The following TGM1 variants were observed in gnomAD, a reference collection of about 807,000 sequenced individuals.
The protein encoded by TGM1 is transglutaminase 1.
In TGM1, 63 loss-of-function variants were observed where a neutral mutation model predicts 88.7. The observed-to-expected ratio is 0.71, with a 90% confidence interval of 0.58 to 0.88. The LOEUF is 0.88. Among genes scored for constraint, TGM1 ranks in the 40% least tolerant of loss-of-function variants. The pLI is 0.00. For synonymous variants in TGM1, 415 were observed against 431.1 expected, an observed-to-expected ratio of 0.96 and a Z score of 0.46; for missense variants, 996 against 1,118.0, an observed-to-expected ratio of 0.89 and a Z score of 1.56.
At position 24,259,888 on chromosome 14, in the gene TGM1, C is replaced by A; in HGVS notation, c.876+52G>T. ...CCCTGCTCCAATACCCCAGCCCCCACACCCACCCCAGCTCCTCTGGGTGTA... is the reference window on the plus strand; with the variant it reads ...CCCTGCTCCAATACCCCAGCCCCCAAACCCACCCCAGCTCCTCTGGGTGTA... On this transcript the variant is annotated intron_variant, in intron 5 of 14. Coordinates refer to ENST00000206765, the MANE Select transcript of TGM1 (RefSeq NM_000359.3). This position sits in a 1 kb window ranked among gnomAD's most constrained non-coding sequence, Gnocchi z 5.7. The A allele has an allele frequency of 2.5e-6, 4 of 1,609,540 alleles. No individual in the cohort carries two copies. The highest frequency in any genetic ancestry group is 3.4e-6 in the Non-Finnish European group (4 of 1,176,146).
chr14:24,258,173 G>A (rs1279604755), intron 9 of TGM1, 112 bp downstream of exon 9: 9 of 786,644 alleles, frequency 1.1e-5, no homozygotes, highest in South Asian at 1.7e-5. Flanking sequence ...AAGAAGCCGC[G>A]GGGTTACATG....
At chr14:24,262,842 C>T (rs1314238540) in intron 1 of TGM1, among the ~76,000 whole-genome samples, 2 of 152,228 alleles carry the variant, frequency 1.3e-5, no homozygotes, top group East Asian at 1.9e-4. Context: ...CAAGTGACCC[C>T]GGGGCCTGTG....
chr14:24,254,156 C>T lies in TGM1; in HGVS notation c.2221G>A (p.Val741Ile), dbSNP rs141864003. ...AGGGGGAGAGGCCAGACTCACCCAA[C>T]GTTGAGGATCTTGGGCCTCTGTAAC... The part of the protein sequence containing the change: ...SGLQRPKILN[V>I]GDIGGNETVT... The change falls in exon 14 of 15, where the codon GTT becomes ATT. Residue 741 changes from valine (V) to isoleucine (I), a missense_variant. Val to Ile is a conservative substitution (Grantham distance 29, BLOSUM62 3). Coordinates refer to ENST00000206765, the MANE Select transcript of TGM1 (RefSeq NM_000359.3). 425 of 1,610,960 alleles carry T rather than the reference C, an allele frequency of 2.6e-4. 1 individual carries two copies. Among genetic ancestry groups the T allele is most frequent in the Non-Finnish European group, 3.3e-4 (388 of 1,178,696 alleles).
chr14:24,262,219 G>A lies in TGM1; in HGVS notation c.134C>T (p.Ala45Val). ...SRRGGGRSFW[A>V]RCCGCCSCRN... is the part of the protein sequence containing the mutation. ...GCATGAACAGCAGCCACAGCAGCGA[G>A]CCCAGAAGGAACGGCCTCCTCCTCT... The change falls in exon 2 of 15, where the codon GCT becomes GTT. Residue 45 changes from alanine to valine, a missense_variant. By Grantham distance (64) the Ala-to-Val change is moderately conservative. Transcript: ENST00000206765. The A allele has an allele frequency of 6.2e-7, 1 of 1,613,898 alleles. No homozygotes were observed. Among genetic ancestry groups the A allele is most frequent in the Non-Finnish European group, 8.5e-7 (1 of 1,180,028 alleles).
intron 13 of TGM1, among the ~76,000 whole-genome samples, 173 bp downstream of exon 13, chr14:24,254,491 A>G (rs547723662): frequency 1.3e-5 from 2 of 152,354 alleles, no homozygotes; most frequent in East Asian, 1.9e-4. Flanking sequence ...AACCAGAGAC[A>G]TAAGATCCCA....
chr14:24,254,416 G>C, intron 13 of TGM1, 128 bp from the exon 14 acceptor site: 1 of 1,424,352 alleles, frequency 7.0e-7, no homozygotes, highest in Non-Finnish European at 9.7e-7. Context: ...TTATCCTCCT[G>C]AGAGAAGATT....
In TGM1 at chr14:24,255,346, G is replaced by A; in HGVS notation, c.1645+18C>T. 1.9e-6 allele frequency: 3 copies of A among 1,614,228 alleles called. No individual in the cohort carries two copies. The highest frequency in any genetic ancestry group is 2.5e-6 in the Non-Finnish European group (3 of 1,180,040). On this transcript the variant is annotated intron_variant, in intron 11 of 14. Transcript: ENST00000206765. This position sits in a 1 kb window ranked among gnomAD's most constrained non-coding sequence, Gnocchi z 4.0. ...CTTGTTGTGGGGCCCAGAGCTGGCTGGGTTGGGGGAATGGTACCTTCTGGG... is the reference window on the plus strand; with the variant it reads ...CTTGTTGTGGGGCCCAGAGCTGGCTAGGTTGGGGGAATGGTACCTTCTGGG...
At position 24,254,724 on chromosome 14, in the gene TGM1, G is replaced by A. The variant is rs781259607; in HGVS notation, c.2028C>T (p.Ser676=). ...TGTGCTGCTTGGCCAGCACCTGCCC[G>A]CTCTCCTTGACGTGGCCTGAGACAT... The part of the protein sequence containing the change: ...LLNVSGHVKE[S]GQVLAKQHTF... Residue 676 remains serine, a synonymous_variant, in exon 13 of 15, where the codon AGC becomes AGT. Coordinates refer to ENST00000206765, the MANE Select transcript of TGM1 (RefSeq NM_000359.3). The A allele has an allele frequency of 5.6e-6, 9 of 1,613,906 alleles. No homozygotes were observed. In the African/African-American group the frequency reaches 6.7e-5, roughly 12 times the overall value.
At chr14:24,254,317 G>A (rs190466118) in intron 13 of TGM1, 29 bp from the exon 14 acceptor site, 113 of 1,613,692 alleles carry the variant, frequency 7.0e-5, no homozygotes, top group African/African-American at 4.3e-4. Flanking sequence ...CATCCCCCAC[G>A]TCAGAGACCC....
In TGM1 at chr14:24,255,665, T is replaced by C; in HGVS notation, c.1492-148A>G. On this transcript the variant is annotated intron_variant, in intron 10 of 14. Transcript: ENST00000206765. The surrounding 1 kb of genome is among the most constrained non-coding windows in gnomAD (Gnocchi z 4.0). ...TTCCTGGCAGAGCCCAAGGGGAGAC[T>C]TTCCAAGACGAGCCAGACGAGGCCA... is the stretch of plus-strand genomic sequence containing the variant. The C allele has an allele frequency of 9.0e-7, 1 of 1,106,436 alleles. No individual in the cohort carries two copies. Among genetic ancestry groups the C allele is most frequent in the Non-Finnish European group, 1.3e-6 (1 of 764,156 alleles). The allele number at this position is 1,106,436 out of a possible 1,614,324, so 68.5% of individuals were successfully genotyped here. A position where few individuals can be genotyped will look rare whatever the true frequency, so the allele number is the denominator to read the frequency against.
intron 7 of TGM1, 87 bp from the exon 8 acceptor site, chr14:24,258,760 C>T (rs983763191): frequency 1.7e-5 from 26 of 1,567,878 alleles, no homozygotes; most frequent in Non-Finnish European, 2.3e-5. Flanking sequence ...AGAAGGGCAA[C>T]TAGGATTGCC....
At chr14:24,254,525 C>G (rs1220088569) in intron 13 of TGM1, 139 bp downstream of exon 13, 1 of 1,372,080 alleles carries the variant, frequency 7.3e-7, no homozygotes, top group South Asian at 1.3e-5. Flanking sequence ...GAAACTGAGG[C>G]CCCAGAGCCG....
intron 3 of TGM1, among the ~76,000 whole-genome samples, chr14:24,261,061 C>G (rs532424830): frequency 6.6e-6 from 1 of 152,314 alleles, no homozygotes; most frequent in East Asian, 1.9e-4. Flanking sequence ...ATCCTGAAGG[C>G]CAACCCTGCC....
chr14:24,259,614 G>T lies in TGM1; in HGVS notation c.984+90C>A. 8.8e-7 allele frequency: 1 copy of T among 1,130,526 alleles called. No individual in the cohort carries two copies. Among genetic ancestry groups the T allele is most frequent in the East Asian group, 2.5e-5 (1 of 39,432 alleles). The allele number at this position is 1,130,526 out of a possible 1,614,324, so 70.0% of individuals were successfully genotyped here. A position where few individuals can be genotyped will look rare whatever the true frequency, so the allele number is the denominator to read the frequency against. On this transcript the variant is annotated intron_variant, in intron 6 of 14. Transcript: ENST00000206765. This position sits in a 1 kb window ranked among gnomAD's most constrained non-coding sequence, Gnocchi z 5.7. ...GGCAGGGACAGGGCTGGGGGTTCTT[G>T]AGGAATCCAGAAAGGGCAGGAGGAG...
chr14:24,256,490 G>A (rs1306354074), intron 9 of TGM1, among the ~76,000 whole-genome samples: 2 of 152,184 alleles, frequency 1.3e-5, no homozygotes, highest in Admixed American at 6.5e-5. Context: ...AACCAACCCA[G>A]AGTCCACAGT....
intron 9 of TGM1, among the ~76,000 whole-genome samples, chr14:24,256,526 G>A (rs935478274): frequency 2.6e-5 from 4 of 152,164 alleles, no homozygotes; most frequent in African/African-American, 4.8e-5. Context: ...CTGGGAGAGC[G>A]AGGACACCAC....
At chr14:24,252,911 C>T (rs971062082) in intron 14 of TGM1, among the ~76,000 whole-genome samples, 1 of 152,166 alleles carries the variant, frequency 6.6e-6, no homozygotes, top group African/African-American at 2.4e-5. Context: ...TAGGCGGGGA[C>T]GGGGCAGCAC....
intron 14 of TGM1, among the ~76,000 whole-genome samples, chr14:24,252,734 G>A (rs2040712271): frequency 6.6e-6 from 1 of 152,152 alleles, no homozygotes. Context: ...AGGGAGGGGT[G>A]GGCAAGTGGG....
At position 24,254,833 on chromosome 14, in the gene TGM1, A is replaced by G; in HGVS notation, c.1928-9T>C. The G allele has an allele frequency of 6.2e-7, 1 of 1,613,520 alleles. No individual in the cohort carries two copies. ...CATGGTCACACGGTCCGCTGTGGAG[A>G]AGAGGCATGGCGTCACTGAGGCCTG... On this transcript the variant is annotated splice_polypyrimidine_tract_variant and intron_variant, in intron 12 of 14. Coordinates refer to ENST00000206765, the MANE Select transcript of TGM1 (RefSeq NM_000359.3).
Sources: allele counts gnomAD v4.1 joint callset (sites outside exome capture counted in the v4.1 genomes callset), GRCh38; gene constraint gnomAD v4.1.1; non-coding constraint Gnocchi (gnomAD v3.1); transcripts MANE v1.5; gene names NCBI Gene and HGNC (gene_info 2026-07-23, HGNC 2026-07-21).